Variants in CELF2 observed in about 807,000 individuals in gnomAD.
CELF2 encodes the protein CUGBP Elav-like family member 2.
CELF2 carries 8 observed loss-of-function variants against 62.6 expected under a neutral mutation model. The observed-to-expected ratio is 0.13, with a 90% CI of 0.07 to 0.23. CELF2 has a LOEUF of 0.23. Among genes scored for constraint, CELF2 ranks in the 10% least tolerant of loss-of-function variants. CELF2 has a pLI of 1.00. For missense variants in CELF2, 333 were observed against 671.0 expected, an observed-to-expected ratio of 0.50 and a Z score of 5.56; for synonymous variants, 258 against 250.0, an observed-to-expected ratio of 1.03 and a Z score of -0.30.
chr10:10,705,299 CTG>C, the CELF2 span, among the ~76,000 whole-genome samples: 1 of 150,540 alleles, frequency 6.6e-6, no homozygotes, highest in Non-Finnish European at 1.5e-5. Flanking sequence ...CTCTCAAACT[CTG>C]TGCGTGTGTG....
chr10:11,097,133 T>C (rs1430755805), intron 1 of CELF2, among the ~76,000 whole-genome samples: 1 of 152,224 alleles, frequency 6.6e-6, no homozygotes, highest in Non-Finnish European at 1.5e-5. Context: ...CTTTTTTTAG[T>C]TAATGCAATT....
At chr10:10,791,251 T>C in the CELF2 span, among the ~76,000 whole-genome samples, 7 of 152,008 alleles carry the variant, frequency 4.6e-5, no homozygotes, top group Middle Eastern at 3.2e-3. Flanking sequence ...GGGGAAGTCA[T>C]TGAGATTTTT....
chr10:10,638,505 T>A, the CELF2 span, among the ~76,000 whole-genome samples: 2 of 152,084 alleles, frequency 1.3e-5, no homozygotes, highest in African/African-American at 4.8e-5. Flanking sequence ...AGTAAATGAG[T>A]TGCACATTCT....
chr10:10,640,296 G>A, the CELF2 span, among the ~76,000 whole-genome samples: 1 of 152,168 alleles, frequency 6.6e-6, no homozygotes, highest in Non-Finnish European at 1.5e-5. Context: ...TTGCAATGCT[G>A]TGAAAACATT....
chr10:11,317,417 C>T (rs1157895197), intron 10 of CELF2: 1 of 152,218 alleles, frequency 6.6e-6, no homozygotes, highest in East Asian at 1.9e-4. Context: ...ATATAGACAT[C>T]TTCATCTACC....
chr10:10,557,724 T>A, the CELF2 span, among the ~76,000 whole-genome samples: 1 of 148,140 alleles, frequency 6.8e-6, no homozygotes, highest in African/African-American at 2.5e-5. Flanking sequence ...CAGTGGTTTG[T>A]AGTTCTCCTT....
intron 5 of CELF2, 145 bp downstream of exon 5, chr10:11,258,017 C>T: frequency 2.2e-6 from 2 of 899,722 alleles, no homozygotes; most frequent in East Asian, 2.5e-5. Context: ...CTGAACTTTT[C>T]ACCATAGCTG....
the CELF2 span, among the ~76,000 whole-genome samples, chr10:10,791,998 A>AAGG: frequency 1.0e-3 from 150 of 148,618 alleles, no homozygotes; most frequent in African/African-American, 3.6e-3. Context: ...AAAGAGAAGG[A>AAGG]AGGGAGAAGG....
intron 1 of CELF2, among the ~76,000 whole-genome samples, chr10:11,056,248 A>G (rs998263973): frequency 6.6e-6 from 1 of 152,176 alleles, no homozygotes; most frequent in Non-Finnish European, 1.5e-5. Flanking sequence ...ATGCCCTCTC[A>G]CACTCAGTCA....
At position 10,937,830 on chromosome 10, in the gene CELF2, T is replaced by C. The variant is rs566871464; in HGVS notation, c.89+17831T>C. Among the ~76,000 whole-genome samples the C allele has an allele frequency of 4.9e-4, 74 of 152,290 alleles. 1 individual carries two copies. In the East Asian group the frequency reaches 0.011, roughly 22 times the overall value. On this transcript the variant is annotated intron_variant, in intron 2 of 13. Transcript: ENST00000636488. ...TGTAAGTCTAGATAGCATGATAGTG[T>C]ATGAATGTATATATATATATGGAGG...
chr10:10,780,537 G>C, the CELF2 span, among the ~76,000 whole-genome samples: 2 of 152,258 alleles, frequency 1.3e-5, no homozygotes, highest in Middle Eastern at 3.4e-3. Context: ...CTGGAGTGCA[G>C]TGGCACTATC....
the CELF2 span, among the ~76,000 whole-genome samples, chr10:10,527,446 CA>C: frequency 4.8e-4 from 61 of 126,270 alleles, no homozygotes; most frequent in African/African-American, 1.4e-3. Context: ...AACTCTGTCT[CA>C]AAAAAAAAAA....
At chr10:10,954,501 C>T (rs951918271) in intron 2 of CELF2, among the ~76,000 whole-genome samples, 4 of 152,166 alleles carry the variant, frequency 2.6e-5, no homozygotes, top group African/African-American at 9.7e-5. Context: ...CCACCTTGGC[C>T]TCCCAAAGTG....
At chr10:11,070,324 G>A (rs1259042462) in intron 1 of CELF2, among the ~76,000 whole-genome samples, 20 of 152,108 alleles carry the variant, frequency 1.3e-4, no homozygotes, top group Admixed American at 1.3e-3. Context: ...GCGGTGGGGC[G>A]AGGCTGGAGA....
chr10:10,962,773 A>G (rs1463137800), intron 2 of CELF2, among the ~76,000 whole-genome samples: 2 of 152,198 alleles, frequency 1.3e-5, no homozygotes, highest in South Asian at 4.2e-4. Context: ...GAAATGAAGG[A>G]AGAAGGGAGG....
the CELF2 span, among the ~76,000 whole-genome samples, chr10:10,789,826 AATAGATCCAT>A: frequency 6.6e-6 from 1 of 152,090 alleles, no homozygotes; most frequent in Non-Finnish European, 1.5e-5. Context: ...TTTGCTCTTT[AATAGATCCAT>A]ATATATTTCT....
At chr10:11,158,468 T>G (rs2133047449) in intron 1 of CELF2, among the ~76,000 whole-genome samples, 1 of 152,228 alleles carries the variant, frequency 6.6e-6, no homozygotes, top group South Asian at 2.1e-4. Flanking sequence ...CGCCTCCTGC[T>G]TGGCCCTGAA....
chr10:10,913,858 A>AGAAAGAAGGAAGGAAG (rs2064060076), intron 1 of CELF2, among the ~76,000 whole-genome samples: 1 of 101,044 alleles, frequency 9.9e-6, no homozygotes. Flanking sequence ...AGGGAAGGAG[A>AGAAAGAAGGAAGGAAG]GAAGGAAGGA....
At chr10:10,678,673 G>T in the CELF2 span, among the ~76,000 whole-genome samples, 2 of 152,166 alleles carry the variant, frequency 1.3e-5, no homozygotes, top group Non-Finnish European at 2.9e-5. Flanking sequence ...TGATAGGGTT[G>T]AATTTTGCTT....
Sources: allele counts gnomAD v4.1 joint callset (sites outside exome capture counted in the v4.1 genomes callset), GRCh38; gene constraint gnomAD v4.1.1; transcripts MANE v1.5; gene names NCBI Gene and HGNC (gene_info 2026-07-23, HGNC 2026-07-21).